AP2B1: variants seen among roughly 807,000 people sequenced by gnomAD.
AP2B1 encodes the protein AP-2 complex subunit beta.
AP2B1 carries 23 observed loss-of-function variants against 102.0 expected under a neutral mutation model. The ratio of observed to expected loss-of-function variants is 0.23; its 90% CI spans 0.16 to 0.32. The LOEUF (loss-of-function observed/expected upper bound fraction) is 0.32. Among genes scored for constraint, AP2B1 ranks in the 10% least tolerant of loss-of-function variants. AP2B1 has a pLI of 1.00. For missense variants in AP2B1, 541 were observed against 1,157.4 expected, an observed-to-expected ratio of 0.47 and a Z score of 7.73; for synonymous variants, 381 against 421.2, an observed-to-expected ratio of 0.90 and a Z score of 1.17.
chr17:35,588,898 T>G (rs916954317), intron 1 of AP2B1, among the ~76,000 whole-genome samples: 1 of 152,242 alleles, frequency 6.6e-6, no homozygotes, highest in Non-Finnish European at 1.5e-5. Context: ...CTTTCATTCT[T>G]TCTTTCCTTA....
intron 12 of AP2B1, among the ~76,000 whole-genome samples, chr17:35,642,990 A>G (rs1267913149): frequency 6.6e-6 from 1 of 151,644 alleles, no homozygotes; most frequent in Non-Finnish European, 1.5e-5. Context: ...AGATGAATTC[A>G]AAACAATTTC....
intron 15 of AP2B1, 71 bp from the exon 16 acceptor site, chr17:35,671,683 A>G (rs1293268697): frequency 6.8e-7 from 1 of 1,461,958 alleles, no homozygotes; most frequent in Non-Finnish European, 9.5e-7. Context: ...ACTAAGATAT[A>G]TAGCAATATT....
intron 9 of AP2B1, among the ~76,000 whole-genome samples, chr17:35,628,130 C>T (rs1317248833): frequency 6.6e-6 from 1 of 152,118 alleles, no homozygotes; most frequent in Non-Finnish European, 1.5e-5. Context: ...ATTTACATTG[C>T]ATTAGGTATT....
At chr17:35,703,399 A>G (rs2143004425) in intron 18 of AP2B1, among the ~76,000 whole-genome samples, 1 of 152,298 alleles carries the variant, frequency 6.6e-6, no homozygotes, top group East Asian at 1.9e-4. Context: ...TTGCAGCACT[A>G]TTCACAATAG....
At chr17:35,652,122 A>G (rs569581627) in intron 13 of AP2B1, among the ~76,000 whole-genome samples, 27 of 152,326 alleles carry the variant, frequency 1.8e-4, no homozygotes, top group African/African-American at 5.0e-4. Flanking sequence ...AGTGTCTTAC[A>G]TAAGGCCTTT....
chr17:35,683,872 T>A (rs923712913), intron 18 of AP2B1, among the ~76,000 whole-genome samples: 8 of 152,186 alleles, frequency 5.3e-5, no homozygotes, highest in African/African-American at 1.9e-4. Context: ...AAAGGAGAAC[T>A]AGGAAAATGT....
In AP2B1 at chr17:35,605,341, C is replaced by T. The variant is rs951646498; in HGVS notation, c.144-364C>T. Among the ~76,000 whole-genome samples the T allele has an allele frequency of 3.3e-5, 5 of 152,014 alleles. No homozygotes were observed. In the East Asian group the frequency reaches 9.7e-4, roughly 29 times the overall value. ...TCAGCTCACCGCAAACTCTGCCTCC[C>T]AGGTTCAAACGATTCTCCTGTCTCA... On this transcript the variant is annotated intron_variant, in intron 3 of 21. Coordinates refer to ENST00000610402, the MANE Select transcript of AP2B1 (RefSeq NM_001030006.2).
intron 18 of AP2B1, among the ~76,000 whole-genome samples, chr17:35,705,963 C>A (rs1043964035): frequency 6.6e-6 from 1 of 152,194 alleles, no homozygotes; most frequent in African/African-American, 2.4e-5. Flanking sequence ...ACTTTGTGAT[C>A]TACATTTTAC....
chr17:35,723,571 T>C (rs2085463728), intron 21 of AP2B1, 54 bp from the exon 22 acceptor site: 56 of 1,254,038 alleles, frequency 4.5e-5, no homozygotes, highest in Non-Finnish European at 6.3e-5. Context: ...TGGATACCTT[T>C]AGAGCTAATG....
chr17:35,612,575 T>TA (rs1329559962), intron 5 of AP2B1, among the ~76,000 whole-genome samples: 2 of 152,246 alleles, frequency 1.3e-5, no homozygotes, highest in African/African-American at 4.8e-5. Flanking sequence ...CAGTGGTAGA[T>TA]GCTTTTACTT....
intron 18 of AP2B1, among the ~76,000 whole-genome samples, chr17:35,701,994 C>T (rs1258130862): frequency 1.3e-5 from 2 of 152,200 alleles, no homozygotes; most frequent in East Asian, 3.8e-4. Context: ...TATTTTACAA[C>T]TGTTATTCTT....
chr17:35,637,264 A>C (rs1049570455), intron 10 of AP2B1, among the ~76,000 whole-genome samples: 4 of 152,162 alleles, frequency 2.6e-5, no homozygotes, highest in African/African-American at 9.6e-5. Flanking sequence ...AGCTCACTGC[A>C]ACCTCCGCCT....
intron 16 of AP2B1, 67 bp downstream of exon 16, chr17:35,671,967 A>G (rs915901039): frequency 1.9e-5 from 30 of 1,548,840 alleles, no homozygotes; most frequent in African/African-American, 6.8e-5. Context: ...CACTTTCAAC[A>G]TTTGTGTTAC....
chr17:35,639,476 C>A, intron 10 of AP2B1, 119 bp from the exon 11 acceptor site: 1 of 763,298 alleles, frequency 1.3e-6, no homozygotes, highest in Non-Finnish European at 2.0e-6. Flanking sequence ...TGACTAAAAG[C>A]TTTTACAGTT....
intron 5 of AP2B1, among the ~76,000 whole-genome samples, chr17:35,614,983 C>T (rs1390456904): frequency 6.6e-6 from 1 of 152,166 alleles, no homozygotes; most frequent in African/African-American, 2.4e-5. Context: ...TTTTGGTTGT[C>T]AAACCTGATG....
In AP2B1 at chr17:35,621,335, C is replaced by T. The variant is rs528564018; in HGVS notation, c.526-3062C>T. The T allele has an allele frequency of 4.0e-4, 392 of 985,326 alleles. 1 individual carries two copies. In the African/African-American group the frequency reaches 5.2e-3, roughly 13 times the overall value. 61.0% of individuals were successfully genotyped at this position (985,326 alleles called of 1,614,324 possible). On this transcript the variant is annotated intron_variant, in intron 5 of 21. Transcript: ENST00000610402. ...TGAAGAGTGAGAGAAACTCGGCTTA[C>T]GGACCAGGAAAACTGAGAGTGCTGC...
In AP2B1 at chr17:35,641,796, G is replaced by C. The variant is rs559793675; in HGVS notation, c.1438-81G>C. 4.4e-5 allele frequency: 46 copies of C among 1,046,798 alleles called. No individual in the cohort carries two copies. In the South Asian group the frequency reaches 6.3e-4, roughly 14 times the overall value. The allele number at this position is 1,046,798 out of a possible 1,614,324, so 64.8% of individuals were successfully genotyped here. The stretch of plus-strand genomic sequence containing the variant: ...AAGGCTCCATAGTAATTCATAGTTG[G>C]GGAAACACCACTTTGGAGATGATGG... On this transcript the variant is annotated intron_variant, in intron 11 of 21. Transcript: ENST00000610402.
At chr17:35,694,174 A>G (rs865926716) in intron 18 of AP2B1, among the ~76,000 whole-genome samples, 1 of 152,176 alleles carries the variant, frequency 6.6e-6, no homozygotes, top group Non-Finnish European at 1.5e-5. Flanking sequence ...TGGAATTTTA[A>G]TCACTTTAAC....
Position 35,725,105 on chromosome 17 carries a change from GTTCAGGCAGTTCCTGTC to G in AP2B1, c.*1407_*1423del, listed in dbSNP as rs1400096087. 6.6e-6 allele frequency: 1 copy of G among 152,188 alleles called. No individual in the cohort carries two copies. Among genetic ancestry groups the G allele is most frequent in the Non-Finnish European group, 1.5e-5 (1 of 68,040 alleles). 9.4% of individuals were successfully genotyped at this position (152,188 alleles called of 1,614,324 possible). ...AGGGCATATTAAGATCATCCCAGAG[GTTCAGGCAGTTCCTGTC>G]ATCTCTGAAAAGACTGGGGGATATG... On this transcript the variant is annotated 3_prime_UTR_variant, in exon 22 of 22. Transcript: ENST00000610402.
Sources: gnomAD v4.1 joint callset for allele counts (sites outside exome capture counted in the v4.1 genomes callset) on GRCh38, gnomAD v4.1.1 for gene constraint, MANE v1.5 for transcripts, NCBI Gene and HGNC (gene_info 2026-07-23, HGNC 2026-07-21) for gene names.